The following PLCE1 variants were observed in gnomAD, a reference collection of about 807,000 sequenced individuals.
PLCE1 encodes the protein 1-phosphatidylinositol 4,5-bisphosphate phosphodiesterase epsilon-1.
PLCE1 carries 119 observed loss-of-function variants against 242.8 expected under a neutral mutation model. The ratio of observed to expected loss-of-function variants is 0.49; its 90% CI spans 0.42 to 0.57. The LOEUF (loss-of-function observed/expected upper bound fraction) is 0.57, where lower values mean the gene tolerates loss of function less well. PLCE1 is among the 20% of genes least tolerant of loss of function. PLCE1 has a pLI of 0.00. For synonymous variants in PLCE1, 945 were observed against 1,017.4 expected, an observed-to-expected ratio of 0.93 and a Z score of 1.35; for missense variants, 2,441 against 2,788.8, an observed-to-expected ratio of 0.88 and a Z score of 2.81.
chr10:94,064,277 C>T (rs539039568), intron 2 of PLCE1, among the ~76,000 whole-genome samples: 3 of 152,184 alleles, frequency 2.0e-5, no homozygotes, highest in Admixed American at 1.3e-4. Flanking sequence ...TTTGTTCAGA[C>T]GTGGTGGCTC....
rs572702795 is a variant in PLCE1 at position 94,213,641 on chromosome 10, C to T, written c.1810-13665C>T. ...TCTTGCCCCTTTTCCTCTGCCTCTC[C>T]TTTCTGGCTTCTTTGAAAGAAATGA... On this transcript the variant is annotated intron_variant, in intron 4 of 32. Coordinates refer to ENST00000371380, the MANE Select transcript of PLCE1 (RefSeq NM_016341.4). Among the ~76,000 whole-genome samples the T allele has an allele frequency of 2.6e-5, 4 of 152,254 alleles. No individual in the cohort carries two copies. In the South Asian group the frequency reaches 6.2e-4, roughly 24 times the overall value.
chr10:94,086,659 T>C lies in PLCE1; in HGVS notation c.1207-45515T>C, dbSNP rs181771469. Reference sequence around the variant, plus strand: ...GCACATGTTCAAAATGTGTATTTATTATAATTGAATGTATGGGTTGAATTG... The same window carrying C: ...GCACATGTTCAAAATGTGTATTTATCATAATTGAATGTATGGGTTGAATTG... On this transcript the variant is annotated intron_variant, in intron 2 of 32. Coordinates refer to ENST00000371380, the MANE Select transcript of PLCE1 (RefSeq NM_016341.4). 5.0e-3 allele frequency among the ~76,000 whole-genome samples: 760 copies of C among 152,348 alleles called. 27 individuals carry two copies. The highest frequency in any genetic ancestry group is 6.5e-4 in the Non-Finnish European group (44 of 68,038).
intron 2 of PLCE1, among the ~76,000 whole-genome samples, chr10:94,131,095 A>G (rs1023453990): frequency 6.6e-6 from 1 of 152,236 alleles, no homozygotes; most frequent in African/African-American, 2.4e-5. Context: ...TGATGAATGA[A>G]TGACAAGTCA....
intron 14 of PLCE1, among the ~76,000 whole-genome samples, chr10:94,264,176 G>A (rs1234563731): frequency 1.3e-5 from 2 of 152,170 alleles, no homozygotes; most frequent in African/African-American, 4.8e-5. Flanking sequence ...CAGGAGGTGG[G>A]CTGAGGAGAG....
intron 4 of PLCE1, among the ~76,000 whole-genome samples, chr10:94,221,733 TAAA>T (rs1554887380): frequency 6.6e-6 from 1 of 150,538 alleles, no homozygotes; most frequent in South Asian, 2.1e-4. Context: ...AAGTTCTGTC[TAAA>T]AAAAAAGAAG....
At position 94,324,972 on chromosome 10, in the gene PLCE1, A is replaced by G. The variant is rs764886635; in HGVS notation, c.6801A>G (p.Arg2267=). 2 of 1,614,056 alleles carry G rather than the reference A, an allele frequency of 1.2e-6. No homozygotes were observed. Among genetic ancestry groups the G allele is most frequent in the African/African-American group, 1.3e-5 (1 of 74,934 alleles). The change falls in exon 32 of 33, where the codon CGA becomes CGG. Residue 2267 remains arginine (R), a synonymous_variant. Coordinates refer to ENST00000371380, the MANE Select transcript of PLCE1 (RefSeq NM_016341.4). Reference sequence around the variant, plus strand: ...TCACCAAGTCAACTAAACAGCCCCGAGGACTTACATCACCTTCTCAGCTCT... The same window carrying G: ...TCACCAAGTCAACTAAACAGCCCCGGGGACTTACATCACCTTCTCAGCTCT... ...KKLTKSTKQP[R]GLTSPSQLLT...
chr10:94,140,826 T>A (rs1223760725), intron 3 of PLCE1, among the ~76,000 whole-genome samples: 1 of 152,210 alleles, frequency 6.6e-6, no homozygotes, highest in Non-Finnish European at 1.5e-5. Flanking sequence ...TCCTGACTTG[T>A]TAGTATTGTG....
At chr10:94,284,779 A>G (rs2052376533) in intron 21 of PLCE1, 69 bp from the exon 22 acceptor site, 1 of 840,020 alleles carries the variant, frequency 1.2e-6, no homozygotes, top group Admixed American at 1.7e-5. Context: ...CAGATAAAAG[A>G]GCTTTGGGAA....
At chr10:94,159,693 G>C (rs2047547604) in intron 3 of PLCE1, among the ~76,000 whole-genome samples, 1 of 152,050 alleles carries the variant, frequency 6.6e-6, no homozygotes, top group South Asian at 2.1e-4. Flanking sequence ...ATGTATATAT[G>C]TGCCATGTTG....
In PLCE1 at chr10:94,031,424, C is replaced by T. The variant is rs760698847; in HGVS notation, c.378C>T (p.Tyr126=). 1.2e-6 allele frequency: 2 copies of T among 1,613,728 alleles called. No individual in the cohort carries two copies. The highest frequency in any genetic ancestry group is 1.1e-5 in the South Asian group (1 of 91,084). Residue 126 remains tyrosine, a synonymous_variant, in exon 2 of 33, where the codon TAC becomes TAT. Coordinates refer to ENST00000371380, the MANE Select transcript of PLCE1 (RefSeq NM_016341.4). ...CTCAGAGACAATTTTATGAAATGTA[C>T]AACTCTGTTGCTGAGGAAGACTTGT... ...GLPQRQFYEM[Y]NSVAEEDLCL...
chr10:94,291,762 G>A (rs1035397435), intron 22 of PLCE1, among the ~76,000 whole-genome samples: 31 of 152,110 alleles, frequency 2.0e-4, no homozygotes, highest in African/African-American at 6.8e-4. Context: ...AATTAGTGGT[G>A]CACACCTGTA....
intron 4 of PLCE1, among the ~76,000 whole-genome samples, chr10:94,174,042 T>C (rs952531941): frequency 7.9e-5 from 12 of 152,218 alleles, no homozygotes; most frequent in Admixed American, 2.0e-4. Context: ...AGCATGGCTT[T>C]ACATACTGTA....
intron 4 of PLCE1, among the ~76,000 whole-genome samples, chr10:94,212,149 T>C (rs1296144398): frequency 6.6e-6 from 1 of 152,190 alleles, no homozygotes; most frequent in Non-Finnish European, 1.5e-5. Flanking sequence ...TGCAGTGGCG[T>C]GATCTCGGCT....
rs1237772580 is a variant in PLCE1, at chr10:94,030,820, C to T, written c.-227C>T. On this transcript the variant is annotated 5_prime_UTR_variant, in exon 2 of 33. Coordinates refer to ENST00000371380, the MANE Select transcript of PLCE1 (RefSeq NM_016341.4). ...CAGAGGAAGGAAAATTGATCTACCA[C>T]CTTAAAACCCTGATCTAGAAAAAAT... The T allele has an allele frequency of 5.4e-6, 3 of 554,450 alleles. No homozygotes were observed. Among genetic ancestry groups the T allele is most frequent in the African/African-American group, 3.8e-5 (2 of 52,868 alleles). 34.3% of individuals were successfully genotyped at this position (554,450 alleles called of 1,614,324 possible).
chr10:94,127,200 C>T (rs1009706224), intron 2 of PLCE1, among the ~76,000 whole-genome samples: 10 of 152,210 alleles, frequency 6.6e-5, no homozygotes, highest in Admixed American at 3.3e-4. Flanking sequence ...ACTCCCAAAA[C>T]GTACCGACTT....
At chr10:94,080,640 C>T (rs1017360134) in intron 2 of PLCE1, among the ~76,000 whole-genome samples, 4 of 152,194 alleles carry the variant, frequency 2.6e-5, no homozygotes, top group Non-Finnish European at 5.9e-5. Context: ...TTCACCTGTC[C>T]TTTTCACTGG....
At chr10:94,252,605 G>A (rs370526601) in intron 9 of PLCE1, 107 bp downstream of exon 9, 1 of 958,098 alleles carries the variant, frequency 1.0e-6, no homozygotes, top group African/African-American at 1.6e-5. Context: ...GACAAAGTCA[G>A]GTATAAAATA....
chr10:94,117,210 T>A (rs1156776615), intron 2 of PLCE1, among the ~76,000 whole-genome samples: 1 of 152,200 alleles, frequency 6.6e-6, no homozygotes, highest in Non-Finnish European at 1.5e-5. Context: ...GTGTGAGGAA[T>A]GAGCTTCCCA....
Position 94,306,730 on chromosome 10 carries a change from G to C in PLCE1, c.5884+42G>C, listed in dbSNP as rs752879538. The C allele has an allele frequency of 1.4e-6, 2 of 1,443,356 alleles. No individual in the cohort carries two copies. The allele number at this position is 1,443,356 out of a possible 1,614,324, so 89.4% of individuals were successfully genotyped here. ...CAAATGTTAATAATTGTTGTAGCTA[G>C]GTGATGGATGCCAGAATTTCCTTAT... On this transcript the variant is annotated intron_variant, in intron 26 of 32. Transcript: ENST00000371380. This position sits in a 1 kb window ranked among gnomAD's most constrained non-coding sequence, Gnocchi z 5.7.
Sources: allele counts gnomAD v4.1 joint callset (sites outside exome capture counted in the v4.1 genomes callset), GRCh38; gene constraint gnomAD v4.1.1; non-coding constraint Gnocchi (gnomAD v3.1); transcripts MANE v1.5; gene names NCBI Gene and HGNC (gene_info 2026-07-23, HGNC 2026-07-21).